Variants in MEIS1 observed in about 807,000 individuals in gnomAD.
MEIS1 encodes the protein homeobox protein Meis1.
A neutral mutation model predicts 50.8 loss-of-function variants in MEIS1; 5 were observed. The observed-to-expected ratio is 0.10, with a 90% CI of 0.05 to 0.21. The LOEUF (loss-of-function observed/expected upper bound fraction) is 0.21, where lower values mean the gene tolerates loss of function less well. Ranked by LOEUF, MEIS1 falls within the 10% of genes least tolerant of loss-of-function variation. MEIS1 has a pLI of 1.00. For missense variants in MEIS1, 318 were observed against 517.3 expected (o/e 0.61, Z 3.74); for synonymous variants, 176 against 179.3 (o/e 0.98, Z 0.15).
At chr2:66,525,499 T>G (rs527374116) in intron 8 of MEIS1, among the ~76,000 whole-genome samples, 5 of 152,238 alleles carry the variant, frequency 3.3e-5, no homozygotes, top group Non-Finnish European at 7.3e-5. Context: ...TTTGCCCCCC[T>G]GATTTTGAAG....
At chr2:66,487,065 T>C (rs1673160604) in intron 7 of MEIS1, among the ~76,000 whole-genome samples, 1 of 152,206 alleles carries the variant, frequency 6.6e-6, no homozygotes, top group Non-Finnish European at 1.5e-5. Context: ...CTTCCTCTGT[T>C]CCTATTTGAA....
intron 12 of MEIS1, chr2:66,569,956 C>G (rs988679222): frequency 1.3e-5 from 2 of 152,308 alleles, no homozygotes; most frequent in Non-Finnish European, 2.9e-5. Flanking sequence ...AAAGACACTC[C>G]AGCAATTCGA....
intron 7 of MEIS1, among the ~76,000 whole-genome samples, chr2:66,500,488 G>A (rs1038540090): frequency 6.6e-6 from 1 of 152,008 alleles, no homozygotes. Context: ...GCAGTGGCTC[G>A]ATCTCCACTT....
chr2:66,512,803 G>T (rs1198589957), intron 8 of MEIS1, among the ~76,000 whole-genome samples: 1 of 152,186 alleles, frequency 6.6e-6, no homozygotes, highest in Non-Finnish European at 1.5e-5. Flanking sequence ...GTAAGTCAGA[G>T]CTCCACAGTG....
At chr2:66,556,250 A>G (rs1203794389) in intron 9 of MEIS1, among the ~76,000 whole-genome samples, 3 of 152,334 alleles carry the variant, frequency 2.0e-5, no homozygotes. Flanking sequence ...ACAATAACAA[A>G]TAAACAAAAG....
chr2:66,568,811 C>G, intron 11 of MEIS1, 55 bp downstream of exon 11: 1 of 1,453,754 alleles, frequency 6.9e-7, no homozygotes, highest in Non-Finnish European at 9.7e-7. Flanking sequence ...AGTGTCATCC[C>G]CTCATCAACA....
In MEIS1 at chr2:66,435,767, T is replaced by C. The variant is rs1278187263; in HGVS notation, c.-90T>C. The stretch of plus-strand genomic sequence containing the variant: ...GCTTTTTTTTTTTTTTTTTTTTTTT[T>C]CCGGGGGAGTTTGAATATTTGTTTC... On this transcript the variant is annotated 5_prime_UTR_variant, in exon 1 of 13. Coordinates refer to ENST00000272369, the MANE Select transcript of MEIS1 (RefSeq NM_002398.3). 2 of 516,130 alleles carry C rather than the reference T, an allele frequency of 3.9e-6. No individual in the cohort carries two copies. The highest frequency in any genetic ancestry group is 6.1e-6 in the Non-Finnish European group (2 of 327,908). 32.0% of individuals were successfully genotyped at this position (516,130 alleles called of 1,614,324 possible). A position where few individuals can be genotyped will look rare whatever the true frequency, so the allele number is the denominator to read the frequency against.
At chr2:66,501,682 A>C (rs1673561387) in intron 7 of MEIS1, among the ~76,000 whole-genome samples, 1 of 152,254 alleles carries the variant, frequency 6.6e-6, no homozygotes, top group Non-Finnish European at 1.5e-5. Flanking sequence ...AAATTTATCC[A>C]ATTTCCTGGT....
In MEIS1 at chr2:66,547,951, C is replaced by T. The variant is rs754471341; in HGVS notation, c.897C>T (p.Tyr299=). 1 of 1,613,086 alleles carries T rather than the reference C, an allele frequency of 6.2e-7. No homozygotes were observed. Among genetic ancestry groups the T allele is most frequent in the Admixed American group, 1.7e-5 (1 of 59,944 alleles). The change falls in exon 9 of 13, where the codon TAC becomes TAT. Residue 299 remains tyrosine, a synonymous_variant. Transcript: ENST00000272369. ...TTTTTATTCTCTTTCAGCACCCTTA[C>T]CCTTCTGAAGAACAGAAAAAGCAGT... ...AWLFQHLTHP[Y]PSEEQKKQLA... is the part of the protein sequence containing the mutation.
At chr2:66,557,970 C>T (rs1333037354) in intron 9 of MEIS1, among the ~76,000 whole-genome samples, 2 of 152,062 alleles carry the variant, frequency 1.3e-5, no homozygotes, top group Admixed American at 1.3e-4. Context: ...GTGATAATTA[C>T]GAGTGATGTT....
At chr2:66,465,569 A>G (rs1227752059) in intron 7 of MEIS1, among the ~76,000 whole-genome samples, 3 of 152,208 alleles carry the variant, frequency 2.0e-5, no homozygotes, top group Non-Finnish European at 2.9e-5. Flanking sequence ...ATGAGTTTTC[A>G]AAAAGGTGTA....
intron 8 of MEIS1, among the ~76,000 whole-genome samples, chr2:66,541,450 C>T (rs1353309118): frequency 6.6e-6 from 1 of 152,162 alleles, no homozygotes; most frequent in Non-Finnish European, 1.5e-5. Context: ...CATTATCCAG[C>T]ATTCTACTTT....
chr2:66,456,220 A>G (rs1374289029), intron 6 of MEIS1, among the ~76,000 whole-genome samples: 2 of 145,148 alleles, frequency 1.4e-5, no homozygotes, highest in Non-Finnish European at 3.0e-5. Context: ...CACAGTGACT[A>G]TCATATGATT....
At chr2:66,444,682 G>A (rs1436551687) in intron 6 of MEIS1, among the ~76,000 whole-genome samples, 1 of 152,204 alleles carries the variant, frequency 6.6e-6, no homozygotes, top group Admixed American at 6.5e-5. Flanking sequence ...CGGGCCTCAC[G>A]TCTGGTTCAG....
chr2:66,480,922 G>T (rs1361012392), intron 7 of MEIS1, among the ~76,000 whole-genome samples: 2 of 152,020 alleles, frequency 1.3e-5, no homozygotes, highest in African/African-American at 4.8e-5. Flanking sequence ...CTTGGAGAAT[G>T]AAATTAGGAA....
At chr2:66,440,379 T>C (rs1224715196) in intron 3 of MEIS1, 183 bp from the exon 4 acceptor site, 1 of 643,410 alleles carries the variant, frequency 1.6e-6, no homozygotes, top group African/African-American at 1.8e-5. Context: ...TTTCAGCTTA[T>C]TTAATTCACA....
chr2:66,509,120 A>G (rs1673761786), intron 7 of MEIS1: 1 of 467,204 alleles, frequency 2.1e-6, no homozygotes, highest in Non-Finnish European at 4.4e-6. Context: ...TGGAAATGCT[A>G]AAGGTACAAT....
intron 5 of MEIS1, among the ~76,000 whole-genome samples, chr2:66,442,257 C>T (rs529836480): frequency 6.0e-4 from 79 of 132,608 alleles, no homozygotes; most frequent in African/African-American, 2.1e-3. Context: ...TGAGGCATTC[C>T]TTCTCCTTTT....
intron 7 of MEIS1, among the ~76,000 whole-genome samples, chr2:66,482,006 C>A (rs1425876693): frequency 9.1e-6 from 1 of 109,436 alleles, no homozygotes; most frequent in African/African-American, 7.6e-5. Context: ...AGGTGCACAC[C>A]ACCACACACC....
Sources: allele counts gnomAD v4.1 joint callset (sites outside exome capture counted in the v4.1 genomes callset), GRCh38; gene constraint gnomAD v4.1.1; transcripts MANE v1.5; gene names NCBI Gene and HGNC (gene_info 2026-07-23, HGNC 2026-07-21).